Variants in SLC17A6 observed in about 807,000 individuals in gnomAD.
The protein encoded by SLC17A6 is solute carrier family 17 member 6, also known as vesicular glutamate transporter 2.
A neutral mutation model predicts 67.1 loss-of-function variants in SLC17A6; 35 were observed. The observed-to-expected ratio is 0.52, with a 90% CI of 0.40 to 0.69. The LOEUF (loss-of-function observed/expected upper bound fraction) is 0.69, where lower values mean the gene tolerates loss of function less well. Ranked by LOEUF, SLC17A6 falls within the 30% of genes least tolerant of loss-of-function variation. The pLI is 0.00. For missense variants in SLC17A6, 588 were observed against 723.9 expected (o/e 0.81, Z 2.15); for synonymous variants, 285 against 252.3 (o/e 1.13, Z -1.23).
At chr11:22,353,114 T>C (rs1171339177) in intron 3 of SLC17A6, among the ~76,000 whole-genome samples, 1 of 152,178 alleles carries the variant, frequency 6.6e-6, no homozygotes, top group Non-Finnish European at 1.5e-5. Context: ...TATTAAAGAT[T>C]AGGAAATTTC....
chr11:22,343,423 CAGCAGAAGCTGG>C (rs1855842185), intron 3 of SLC17A6, 58 bp downstream of exon 3: 5 of 1,440,988 alleles, frequency 3.5e-6, no homozygotes, highest in Non-Finnish European at 4.8e-6. Flanking sequence ...TCCGAAGGGG[CAGCAGAAGCTGG>C]AGCAGAGACA....
At chr11:22,339,065 A>ATATACATATGT (rs1855772056) in intron 1 of SLC17A6, among the ~76,000 whole-genome samples, 1 of 118,674 alleles carries the variant, frequency 8.4e-6, no homozygotes, top group African/African-American at 3.1e-5. Flanking sequence ...AATGGTTTAT[A>ATATACATATGT]TATATATATA....
intron 3 of SLC17A6, among the ~76,000 whole-genome samples, chr11:22,358,539 C>T (rs184954496): frequency 1.3e-5 from 2 of 152,250 alleles, no homozygotes; most frequent in African/African-American, 4.8e-5. Flanking sequence ...ACTATGTTGG[C>T]CAGACTGGTT....
At position 22,338,479 on chromosome 11, in the gene SLC17A6, T is replaced by C. The variant is rs1242740312; in HGVS notation, c.-55T>C. ...TAAGACAATATGCGCAATCCTCGCC[T>C]TTCCTAGCAATCACTATTTAAATCT... On this transcript the variant is annotated 5_prime_UTR_variant, in exon 1 of 12. Coordinates refer to ENST00000263160, the MANE Select transcript of SLC17A6 (RefSeq NM_020346.3). 1 of 1,306,262 alleles carries C rather than the reference T, an allele frequency of 7.7e-7. No individual in the cohort carries two copies. The highest frequency in any genetic ancestry group is 1.5e-5 in the African/African-American group (1 of 68,354). The allele number at this position is 1,306,262 out of a possible 1,614,324, so 80.9% of individuals were successfully genotyped here.
At chr11:22,359,559 A>G in intron 4 of SLC17A6, 32 bp downstream of exon 4, 1 of 1,433,904 alleles carries the variant, frequency 7.0e-7, no homozygotes, top group African/African-American at 1.4e-5. Flanking sequence ...CCTTTTTAAG[A>G]TTGGCATTTG....
Position 22,341,546 on chromosome 11 carries a change from A to G in SLC17A6, c.105A>G (p.Gln35=). The G allele has an allele frequency of 6.2e-7, 1 of 1,613,832 alleles. No homozygotes were observed. Among genetic ancestry groups the G allele is most frequent in the Non-Finnish European group, 8.5e-7 (1 of 1,180,000 alleles). The part of the protein sequence containing the change: ...GQIYRVLEKK[Q]DTGETIELTE... ...CGCGCAGGGTGCTGGAGAAGAAGCAAGACACCGGGGAGACAATCGAGCTGA... is the reference window on the plus strand; with the variant it reads ...CGCGCAGGGTGCTGGAGAAGAAGCAGGACACCGGGGAGACAATCGAGCTGA... The change falls in exon 2 of 12, where the codon CAA becomes CAG. Residue 35 remains glutamine, a synonymous_variant. Coordinates refer to ENST00000263160, the MANE Select transcript of SLC17A6 (RefSeq NM_020346.3).
chr11:22,339,710 A>G (rs1294326119), intron 1 of SLC17A6, among the ~76,000 whole-genome samples: 1 of 151,724 alleles, frequency 6.6e-6, no homozygotes, highest in Non-Finnish European at 1.5e-5. Context: ...TGATCAAACC[A>G]CTCCCAGATT....
chr11:22,348,825 A>G (rs536470502), intron 3 of SLC17A6, among the ~76,000 whole-genome samples: 95 of 152,340 alleles, frequency 6.2e-4, no homozygotes, highest in African/African-American at 2.1e-3. Flanking sequence ...TGGCTGGCAT[A>G]ATTATGAAAC....
chr11:22,351,718 T>C (rs986004559), intron 3 of SLC17A6, among the ~76,000 whole-genome samples: 4 of 152,178 alleles, frequency 2.6e-5, no homozygotes, highest in African/African-American at 9.7e-5. Flanking sequence ...AGAACTAGCC[T>C]GTGGAACAAT....
intron 6 of SLC17A6, among the ~76,000 whole-genome samples, chr11:22,364,462 T>C (rs576172631): frequency 2.6e-4 from 40 of 152,292 alleles, no homozygotes; most frequent in African/African-American, 9.1e-4. Flanking sequence ...TTGGATCATA[T>C]AGCGAATAAA....
At chr11:22,372,685 T>A (rs920822029) in intron 8 of SLC17A6, among the ~76,000 whole-genome samples, 2 of 152,038 alleles carry the variant, frequency 1.3e-5, no homozygotes, top group African/African-American at 2.4e-5. Flanking sequence ...AAAAGAAGGA[T>A]GAGGCAAAAA....
At chr11:22,362,677 G>C (rs1280272801) in intron 5 of SLC17A6, 62 bp from the exon 6 acceptor site, 5 of 1,344,836 alleles carry the variant, frequency 3.7e-6, no homozygotes, top group Non-Finnish European at 5.3e-6. Context: ...AGGAATGTGA[G>C]ATGATATCAA....
intron 3 of SLC17A6, among the ~76,000 whole-genome samples, chr11:22,352,553 A>C (rs1343419622): frequency 6.6e-6 from 1 of 152,264 alleles, no homozygotes; most frequent in African/African-American, 2.4e-5. Context: ...TTGGATGCTC[A>C]TTCCTGAGAA....
Position 22,377,786 on chromosome 11 carries a change from A to G in SLC17A6, c.*46A>G. 6.9e-7 allele frequency: 1 copy of G among 1,445,688 alleles called. No individual in the cohort carries two copies. The highest frequency in any genetic ancestry group is 1.5e-5 in the South Asian group (1 of 68,222). 89.6% of individuals were successfully genotyped at this position (1,445,688 alleles called of 1,614,324 possible). A position where few individuals can be genotyped will look rare whatever the true frequency, so the allele number is the denominator to read the frequency against. On this transcript the variant is annotated 3_prime_UTR_variant, in exon 12 of 12. Transcript: ENST00000263160. ...ATTTTTAGTGTTTGTGATTAAATTC[A>G]TTGTGATTGCACAAAAATTTTAAAA... is the stretch of plus-strand genomic sequence containing the variant.
At chr11:22,361,031 A>C in intron 5 of SLC17A6, 47 bp downstream of exon 5, 1 of 1,532,462 alleles carries the variant, frequency 6.5e-7, no homozygotes, top group Non-Finnish European at 9.0e-7. Flanking sequence ...AAGTTTAGGA[A>C]CAACTTGAAT....
At chr11:22,344,875 A>G (rs566414337) in intron 3 of SLC17A6, among the ~76,000 whole-genome samples, 20 of 152,312 alleles carry the variant, frequency 1.3e-4, no homozygotes, top group African/African-American at 4.6e-4. Flanking sequence ...CAATATATAT[A>G]GTCTTCACTC....
chr11:22,372,951 C>T (rs1856191241), intron 8 of SLC17A6, among the ~76,000 whole-genome samples: 2 of 151,986 alleles, frequency 1.3e-5, no homozygotes, highest in African/African-American at 2.4e-5. Context: ...AGAGTATATC[C>T]ACATATTAAG....
rs549064979 is a variant in SLC17A6, at chr11:22,342,386, T to G, written c.339+606T>G. The stretch of plus-strand genomic sequence containing the variant: ...TCCTTCTTAGAAACCCCAGCTGCCG[T>G]AAACCAGACTAAGCAGGAGTTGAGT... On this transcript the variant is annotated intron_variant, in intron 2 of 11. Transcript: ENST00000263160. Among the ~76,000 whole-genome samples the G allele has an allele frequency of 2.6e-4, 40 of 152,242 alleles. 1 individual carries two copies. The highest frequency in any genetic ancestry group is 9.1e-4 in the African/African-American group (38 of 41,538).
chr11:22,370,578 C>G (rs1856164251), intron 8 of SLC17A6, among the ~76,000 whole-genome samples: 1 of 152,118 alleles, frequency 6.6e-6, no homozygotes, highest in Non-Finnish European at 1.5e-5. Flanking sequence ...AATTTCCAAT[C>G]TAATTATTCT....
Sources: gnomAD v4.1 joint callset for allele counts (sites outside exome capture counted in the v4.1 genomes callset) on GRCh38, gnomAD v4.1.1 for gene constraint, MANE v1.5 for transcripts, NCBI Gene and HGNC (gene_info 2026-07-23, HGNC 2026-07-21) for gene names.